Variants in ST6GALNAC3 observed in about 807,000 individuals in gnomAD.
ST6GALNAC3 encodes the protein alpha-N-acetylgalactosaminide alpha-2,6-sialyltransferase 3.
Under a neutral mutation model 32.7 loss-of-function variants are expected in ST6GALNAC3, and 25 were observed. That is an observed-to-expected ratio of 0.76 (90% CI 0.56 to 1.07). The LOEUF is 1.07. ST6GALNAC3 is among the 50% of genes least tolerant of loss of function. ST6GALNAC3 has a pLI of 0.00. For synonymous variants in ST6GALNAC3, 129 were observed against 133.1 expected (o/e 0.97, Z 0.21); for missense variants, 355 against 382.4 (o/e 0.93, Z 0.60).
chr1:76,170,485 A>G (rs1652419142), intron 1 of ST6GALNAC3, among the ~76,000 whole-genome samples: 1 of 152,234 alleles, frequency 6.6e-6, no homozygotes, highest in Non-Finnish European at 1.5e-5. Context: ...TGTTTAAAAA[A>G]GAAATTGTTT....
intron 1 of ST6GALNAC3, among the ~76,000 whole-genome samples, chr1:76,225,740 C>T (rs1419271859): frequency 6.6e-6 from 1 of 152,010 alleles, no homozygotes; most frequent in Non-Finnish European, 1.5e-5. Context: ...ATGAGTTGCA[C>T]AATAGAGATG....
At chr1:76,258,006 T>A (rs1004596713) in intron 1 of ST6GALNAC3, among the ~76,000 whole-genome samples, 2 of 152,144 alleles carry the variant, frequency 1.3e-5, no homozygotes, top group African/African-American at 4.8e-5. Flanking sequence ...GGCCCCTTTG[T>A]CTCATGTGCC....
intron 3 of ST6GALNAC3, among the ~76,000 whole-genome samples, chr1:76,573,600 G>T (rs315023): frequency 6.6e-6 from 1 of 151,544 alleles, no homozygotes; most frequent in African/African-American, 2.4e-5. Flanking sequence ...TTCCATGCTT[G>T]TAGAGATGTT....
intron 1 of ST6GALNAC3, among the ~76,000 whole-genome samples, chr1:76,303,286 A>G (rs535551122): frequency 6.6e-6 from 1 of 152,040 alleles, no homozygotes; most frequent in Non-Finnish European, 1.5e-5. Flanking sequence ...AAAGCAACCA[A>G]TCAGAGATAC....
chr1:76,126,327 A>G (rs1388057397), intron 1 of ST6GALNAC3, among the ~76,000 whole-genome samples: 1 of 152,096 alleles, frequency 6.6e-6, no homozygotes, highest in Admixed American at 6.5e-5. Context: ...AAATGGAATT[A>G]ATTAGTAACC....
At chr1:76,392,677 A>C (rs1652657101) in intron 2 of ST6GALNAC3, among the ~76,000 whole-genome samples, 1 of 152,206 alleles carries the variant, frequency 6.6e-6, no homozygotes, top group South Asian at 2.1e-4. Flanking sequence ...CCAGCCTGAG[A>C]GATGGAATTC....
chr1:76,307,937 G>C (rs1661162941), intron 1 of ST6GALNAC3: 2 of 511,818 alleles, frequency 3.9e-6, no homozygotes, highest in South Asian at 1.4e-5. Context: ...ACTCTAAAGA[G>C]CAAGCAGCTA....
intron 3 of ST6GALNAC3, among the ~76,000 whole-genome samples, chr1:76,601,756 G>A (rs1232138393): frequency 2.6e-5 from 4 of 152,184 alleles, no homozygotes; most frequent in Non-Finnish European, 5.9e-5. Flanking sequence ...GACTAAGAAG[G>A]GGGAAGAAGC....
chr1:76,415,139 AT>A (rs1200041041), intron 3 of ST6GALNAC3, among the ~76,000 whole-genome samples: 7 of 99,262 alleles, frequency 7.1e-5, no homozygotes, highest in Non-Finnish European at 1.5e-4. Context: ...CTACACTGGT[AT>A]TTATGTATTG....
At chr1:76,324,331 A>G (rs1171721472) in intron 2 of ST6GALNAC3, among the ~76,000 whole-genome samples, 1 of 152,208 alleles carries the variant, frequency 6.6e-6, no homozygotes, top group East Asian at 1.9e-4. Flanking sequence ...TAATAGGACT[A>G]CAATATGGAA....
intron 1 of ST6GALNAC3, among the ~76,000 whole-genome samples, chr1:76,204,024 A>G (rs916970679): frequency 6.6e-6 from 1 of 152,154 alleles, no homozygotes; most frequent in Non-Finnish European, 1.5e-5. Flanking sequence ...CAACCCTTTA[A>G]TCAACCTTTG....
At chr1:76,383,993 C>A (rs1182539109) in intron 2 of ST6GALNAC3, among the ~76,000 whole-genome samples, 2 of 151,712 alleles carry the variant, frequency 1.3e-5, no homozygotes, top group African/African-American at 4.8e-5. Flanking sequence ...AAATATAGGA[C>A]CAAAGAACAA....
intron 3 of ST6GALNAC3, among the ~76,000 whole-genome samples, chr1:76,461,604 G>A (rs1287221056): frequency 6.6e-6 from 1 of 152,110 alleles, no homozygotes; most frequent in Non-Finnish European, 1.5e-5. Context: ...TACAGGCTCA[G>A]GATGACCCAG....
chr1:76,121,396 T>G (rs929917654), intron 1 of ST6GALNAC3, among the ~76,000 whole-genome samples: 2 of 152,070 alleles, frequency 1.3e-5, no homozygotes. Flanking sequence ...CTCCCCACTG[T>G]CTGTTCTCTG....
At chr1:76,343,655 G>T (rs978976690) in intron 2 of ST6GALNAC3, among the ~76,000 whole-genome samples, 1 of 152,176 alleles carries the variant, frequency 6.6e-6, no homozygotes, top group African/African-American at 2.4e-5. Flanking sequence ...TTCCTATATC[G>T]CTACTTCTTT....
rs1033097137 is a variant in ST6GALNAC3, at chr1:76,571,617, G to T, written c.624-55835G>T. ...TTATAAATGCAAATACTTTTTCCTG[G>T]ATCAAATAATTGAAGAATAACTAGG... On this transcript the variant is annotated intron_variant, in intron 3 of 4. Coordinates refer to ENST00000328299, the MANE Select transcript of ST6GALNAC3 (RefSeq NM_152996.4). 3.3e-5 allele frequency among the ~76,000 whole-genome samples: 5 copies of T among 152,000 alleles called. No homozygotes were observed. The South Asian group carries it at 6.2e-4, about 19-fold the overall frequency.
intron 1 of ST6GALNAC3, among the ~76,000 whole-genome samples, chr1:76,229,574 C>T (rs557263248): frequency 9.8e-5 from 15 of 152,328 alleles, no homozygotes; most frequent in Middle Eastern, 3.4e-3. Context: ...TTTGCTTGTT[C>T]TCATTTGGTT....
chr1:76,490,266 G>C (rs2101688652), intron 3 of ST6GALNAC3, among the ~76,000 whole-genome samples: 2 of 151,998 alleles, frequency 1.3e-5, no homozygotes, highest in South Asian at 4.2e-4. Flanking sequence ...TGACTCTCCT[G>C]CTCACCACAC....
At chr1:76,098,355 G>T (rs181508187) in intron 1 of ST6GALNAC3, among the ~76,000 whole-genome samples, 1 of 152,222 alleles carries the variant, frequency 6.6e-6, no homozygotes, top group East Asian at 1.9e-4. Flanking sequence ...CCTGATGGTA[G>T]ATATTACCAA....
Sources: allele counts gnomAD v4.1 joint callset (sites outside exome capture counted in the v4.1 genomes callset), GRCh38; gene constraint gnomAD v4.1.1; transcripts MANE v1.5; gene names NCBI Gene and HGNC (gene_info 2026-07-23, HGNC 2026-07-21).